Variants in GUCY1A1 observed in about 807,000 individuals in gnomAD.
GUCY1A1 encodes guanylate cyclase soluble subunit alpha-1.
Under a neutral mutation model 64.5 loss-of-function variants are expected in GUCY1A1, and 48 were observed. The observed-to-expected ratio is 0.74, with a 90% CI of 0.59 to 0.95. GUCY1A1 has a LOEUF of 0.95. Among genes scored for constraint, GUCY1A1 ranks in the 40% least tolerant of loss-of-function variants. GUCY1A1 has a pLI of 0.00. For missense variants in GUCY1A1, 804 were observed against 825.3 expected (o/e 0.97, Z 0.32); for synonymous variants, 308 against 303.4 (o/e 1.02, Z -0.16).
In GUCY1A1 at chr4:155,732,276, G is replaced by A. The variant is rs917650037; in HGVS notation, c.*2045G>A. On this transcript the variant is annotated 3_prime_UTR_variant, in exon 10 of 10. Transcript: ENST00000506455. ...AATCTTGGTGAAAAGTTGTATGGGA[G>A]TTTTTTGTACGATTCCTGCAACTTT... 5.9e-5 allele frequency: 9 copies of A among 151,934 alleles called. No individual in the cohort carries two copies. The highest frequency in any genetic ancestry group is 5.8e-4 in the East Asian group (3 of 5,148). The allele number at this position is 151,934 out of a possible 1,614,324, so 9.4% of individuals were successfully genotyped here.
chr4:155,734,834 G>A lies in GUCY1A1; in HGVS notation c.*4603G>A, dbSNP rs938495934. ...TTTTCAACCAAAATTGAGTGTTAGA[G>A]TTTATGGTCTCTGTTATGATACTTT... is the stretch of plus-strand genomic sequence containing the variant. On this transcript the variant is annotated 3_prime_UTR_variant, in exon 10 of 10. Transcript: ENST00000506455. 9 of 151,934 alleles carry A rather than the reference G, an allele frequency of 5.9e-5. No homozygotes were observed. The highest frequency in any genetic ancestry group is 9.7e-5 in the African/African-American group (4 of 41,400). The allele number at this position is 151,934 out of a possible 1,614,324, so 9.4% of individuals were successfully genotyped here.
intron 3 of GUCY1A1, among the ~76,000 whole-genome samples, chr4:155,699,691 A>G (rs1263925644): frequency 1.3e-5 from 2 of 152,118 alleles, no homozygotes; most frequent in Non-Finnish European, 2.9e-5. Flanking sequence ...AATACTTGTT[A>G]TGTTTTTTTA....
At chr4:155,693,686 G>A (rs1730049553) in intron 2 of GUCY1A1, among the ~76,000 whole-genome samples, 1 of 152,126 alleles carries the variant, frequency 6.6e-6, no homozygotes, top group African/African-American at 2.4e-5. Context: ...CTATCTTAAA[G>A]TAAGCACAAC....
At chr4:155,704,974 C>T (rs1207323322) in intron 4 of GUCY1A1, among the ~76,000 whole-genome samples, 1 of 152,220 alleles carries the variant, frequency 6.6e-6, no homozygotes, top group Non-Finnish European at 1.5e-5. Context: ...ACCTCTGCCT[C>T]CCTGGCTCAA....
In GUCY1A1 at chr4:155,726,821, A is replaced by G. The variant is rs146343612; in HGVS notation, c.1872-3209A>G. Among the ~76,000 whole-genome samples, 828 of 152,128 alleles carry G rather than the reference A, an allele frequency of 5.4e-3. 5 individuals carry two copies. Among genetic ancestry groups the G allele is most frequent in the African/African-American group, 0.018 (745 of 41,560 alleles). On this transcript the variant is annotated intron_variant, in intron 9 of 9. Coordinates refer to ENST00000506455, the MANE Select transcript of GUCY1A1 (RefSeq NM_001130682.3). ...GAAGTAAGGAAAACTAATAGAGACTAGTAGAGACTACATTAGATCAGTGAG... is the reference window on the plus strand; with the variant it reads ...GAAGTAAGGAAAACTAATAGAGACTGGTAGAGACTACATTAGATCAGTGAG...
In GUCY1A1 at chr4:155,709,192, G is replaced by T. The variant is rs912496509; in HGVS notation, c.376+898G>T. 1.8e-3 allele frequency among the ~76,000 whole-genome samples: 20 copies of T among 11,310 alleles called. No homozygotes were observed. In the East Asian group the frequency reaches 0.083, roughly 47 times the overall value. The allele number at this position is 11,310 out of a possible 152,430, so 7.4% of individuals were successfully genotyped here. On this transcript the variant is annotated intron_variant, in intron 5 of 9. Coordinates refer to ENST00000506455, the MANE Select transcript of GUCY1A1 (RefSeq NM_001130682.3). ...AATTAAACCTTCAACAACTCAAAAC[G>T]GTCGTCCTGACACCTTCTTACATTC...
chr4:155,720,433 T>C (rs1733829396), intron 8 of GUCY1A1, among the ~76,000 whole-genome samples: 2 of 152,066 alleles, frequency 1.3e-5, no homozygotes, highest in Non-Finnish European at 2.9e-5. Flanking sequence ...GCCAGATATA[T>C]AACAGACATC....
In GUCY1A1 at chr4:155,722,117, A is replaced by C. The variant is rs751552670; in HGVS notation, c.1796A>C (p.Asn599Thr). ...VKMPRYCLFG[N>T]NVTLANKFES... ...ATGCCCCGTTACTGTCTTTTTGGAAACAATGTCACTCTGGCTAACAAATTT... is the reference window on the plus strand; with the variant it reads ...ATGCCCCGTTACTGTCTTTTTGGAACCAATGTCACTCTGGCTAACAAATTT... Residue 599 changes from asparagine to threonine, a missense_variant, in exon 9 of 10, where the codon AAC becomes ACC. Coordinates refer to ENST00000506455, the MANE Select transcript of GUCY1A1 (RefSeq NM_001130682.3). 17 of 1,613,534 alleles carry C rather than the reference A, an allele frequency of 1.1e-5. No homozygotes were observed. The African/African-American group carries it at 1.1e-4, about 10-fold the overall frequency.
At chr4:155,701,301 T>C (rs1331409855) in intron 3 of GUCY1A1, among the ~76,000 whole-genome samples, 2 of 152,196 alleles carry the variant, frequency 1.3e-5, no homozygotes, top group African/African-American at 4.8e-5. Flanking sequence ...ACGGACTTTA[T>C]TCCTTTTTTT....
intron 2 of GUCY1A1, among the ~76,000 whole-genome samples, chr4:155,691,907 T>C (rs1729788380): frequency 6.6e-6 from 1 of 152,216 alleles, no homozygotes; most frequent in South Asian, 2.1e-4. Flanking sequence ...TTAAGCCTAG[T>C]ACCCATTAGT....
chr4:155,706,339 T>A lies in GUCY1A1; in HGVS notation c.318-1897T>A, dbSNP rs558163292. ...TTGGGGTATCCTCTTGTTTAAAGAT[T>A]TTTTACTTCACTTTCTTATTGGTAA... On this transcript the variant is annotated intron_variant, in intron 4 of 9. Transcript: ENST00000506455. 3.9e-5 allele frequency among the ~76,000 whole-genome samples: 6 copies of A among 152,276 alleles called. No homozygotes were observed. In the East Asian group the frequency reaches 1.2e-3, roughly 29 times the overall value.
At chr4:155,716,467 CAAT>C (rs970273664) in intron 7 of GUCY1A1, among the ~76,000 whole-genome samples, 7 of 152,072 alleles carry the variant, frequency 4.6e-5, no homozygotes, top group African/African-American at 1.7e-4. Flanking sequence ...GTAACGACAA[CAAT>C]AATGATGATG....
chr4:155,694,600 A>T (rs1215485629), intron 2 of GUCY1A1, among the ~76,000 whole-genome samples: 1 of 152,204 alleles, frequency 6.6e-6, no homozygotes, highest in Non-Finnish European at 1.5e-5. Flanking sequence ...TGCTTTTACA[A>T]ACAAGGTTGT....
intron 2 of GUCY1A1, among the ~76,000 whole-genome samples, chr4:155,693,623 A>G (rs1237036676): frequency 6.6e-6 from 1 of 152,164 alleles, no homozygotes; most frequent in Non-Finnish European, 1.5e-5. Context: ...GCAGATGAAG[A>G]ATGCTAATTA....
At chr4:155,685,603 GTTT>G (rs70954055) in intron 2 of GUCY1A1, among the ~76,000 whole-genome samples, 15,707 of 109,456 alleles carry the variant, frequency 0.14, 2,753 homozygotes, top group African/African-American at 0.44. Context: ...TTCTCCTTGT[GTTT>G]TTTTTTTTTT....
chr4:155,710,767 A>C lies in GUCY1A1; in HGVS notation c.602A>C (p.His201Pro). The C allele has an allele frequency of 1.9e-6, 3 of 1,613,976 alleles. No individual in the cohort carries two copies. The highest frequency in any genetic ancestry group is 2.5e-6 in the Non-Finnish European group (3 of 1,179,906). ...LCLDKEDDFL[H>P]VYYFFPKRTT... ...CTGGATAAGGAGGATGATTTTCTACATGTTTACTACTTCTTCCCTAAGAGA... is the reference window on the plus strand; with the variant it reads ...CTGGATAAGGAGGATGATTTTCTACCTGTTTACTACTTCTTCCCTAAGAGA... Residue 201 changes from histidine (H) to proline (P), a missense_variant, in exon 6 of 10, where the codon CAT becomes CCT. His to Pro is a moderately conservative substitution (Grantham distance 77). Coordinates refer to ENST00000506455, the MANE Select transcript of GUCY1A1 (RefSeq NM_001130682.3).
At chr4:155,717,410 A>C in intron 8 of GUCY1A1, 108 bp downstream of exon 8, 3 of 639,270 alleles carry the variant, frequency 4.7e-6, no homozygotes, top group Non-Finnish European at 7.1e-6. Context: ...GAGAGAGAGA[A>C]AGCAAAATCT....
chr4:155,710,964 T>G lies in GUCY1A1; in HGVS notation c.799T>G (p.Ser267Ala). 1 of 1,613,396 alleles carries G rather than the reference T, an allele frequency of 6.2e-7. No individual in the cohort carries two copies. The highest frequency in any genetic ancestry group is 1.1e-5 in the South Asian group (1 of 91,064). ...VHMKSTKPSLSPSKPQSSLVI... is the reference protein window; with the variant it reads ...VHMKSTKPSLAPSKPQSSLVI... ...CATGAAAAGCACCAAGCCATCCCTG[T>G]CCCCCAGCAAACCCCAGTCCTCGCT... The change falls in exon 6 of 10, where the codon TCC becomes GCC. Residue 267 changes from serine (S) to alanine (A), a missense_variant. Ser to Ala is a moderately conservative substitution (Grantham distance 99, BLOSUM62 1). Coordinates refer to ENST00000506455, the MANE Select transcript of GUCY1A1 (RefSeq NM_001130682.3).
In GUCY1A1 at chr4:155,717,164, G is replaced by C; in HGVS notation, c.1578G>C (p.Glu526Asp). 1 of 1,495,708 alleles carries C rather than the reference G, an allele frequency of 6.7e-7. No individual in the cohort carries two copies. The highest frequency in any genetic ancestry group is 9.0e-7 in the Non-Finnish European group (1 of 1,111,256). 92.7% of individuals were successfully genotyped at this position (1,495,708 alleles called of 1,614,324 possible). ...QCGELDVYKV[E>D]TIGDAYCVAG... ...GGAAAATATATTATGTCTAGGTGGA[G>C]ACCATTGGCGATGCCTATTGTGTAG... The change falls in exon 8 of 10, where the codon GAG (glutamate) becomes GAC (aspartate). Residue 526 changes from glutamate to aspartate, a missense_variant. Glu to Asp is a conservative substitution (Grantham distance 45). Transcript: ENST00000506455.
Sources: allele counts gnomAD v4.1 joint callset (sites outside exome capture counted in the v4.1 genomes callset), GRCh38; gene constraint gnomAD v4.1.1; transcripts MANE v1.5; gene names NCBI Gene and HGNC (gene_info 2026-07-23, HGNC 2026-07-21).